DYNC2H1: variants seen among roughly 807,000 people sequenced by gnomAD.
DYNC2H1 encodes the protein cytoplasmic dynein 2 heavy chain 1.
Under a neutral mutation model 570.0 loss-of-function variants are expected in DYNC2H1, and 410 were observed. The ratio of observed to expected loss-of-function variants is 0.72; its 90% CI spans 0.66 to 0.78. DYNC2H1 has a LOEUF of 0.78. Among genes scored for constraint, DYNC2H1 ranks in the 30% least tolerant of loss-of-function variants. The pLI is 0.00. For synonymous variants in DYNC2H1, 1,688 were observed against 1,677.6 expected, an observed-to-expected ratio of 1.01 and a Z score of -0.15; for missense variants, 4,865 against 5,046.4, an observed-to-expected ratio of 0.96 and a Z score of 1.09.
intron 84 of DYNC2H1, among the ~76,000 whole-genome samples, chr11:103,419,206 T>A (rs1943393564): frequency 6.6e-6 from 1 of 152,178 alleles, no homozygotes; most frequent in Non-Finnish European, 1.5e-5. Context: ...CATTCCAGCC[T>A]GCTGGCTTGG....
chr11:103,211,791 G>T lies in DYNC2H1; in HGVS notation c.8542G>T (p.Asp2848Tyr). The change falls in exon 54 of 89, where the codon GAT becomes TAT. Residue 2848 changes from aspartate to tyrosine, a missense_variant and splice_region_variant. By Grantham distance (160) the Asp-to-Tyr change is radical. Around this residue, in one of 5 missense-constraint regions of DYNC2H1, gnomAD observed 2,401 missense variants for 2,454.6 expected, o/e 0.98. Transcript: ENST00000375735. ...RKEEKKKNSV[D>Y]PDFLKSFLLI... ...TTTTATTTTCTATTTTTTTCTAGTTGATCCTGATTTTCTAAAATCATTTTT... is the reference window on the plus strand; with the variant it reads ...TTTTATTTTCTATTTTTTTCTAGTTTATCCTGATTTTCTAAAATCATTTTT... 1 of 1,258,036 alleles carries T rather than the reference G, an allele frequency of 7.9e-7. No individual in the cohort carries two copies. Among genetic ancestry groups the T allele is most frequent in the Non-Finnish European group, 1.1e-6 (1 of 940,852 alleles). 77.9% of individuals were successfully genotyped at this position (1,258,036 alleles called of 1,614,324 possible).
At position 103,439,158 on chromosome 11, in the gene DYNC2H1, A is replaced by AGTAC; in HGVS notation, c.12456+3127_12456+3130dup. 6.6e-6 allele frequency among the ~76,000 whole-genome samples: 1 copy of AGTAC among 152,274 alleles called. No individual in the cohort carries two copies. The highest frequency in any genetic ancestry group is 2.1e-4 in the South Asian group (1 of 4,828). On this transcript the variant is annotated intron_variant, in intron 85 of 88. Transcript: ENST00000375735. This position sits in a 1 kb window ranked among gnomAD's most constrained non-coding sequence, Gnocchi z 4.1. ...ACAGTAAGAGAAGAGTGATAAAGGA[A>AGTAC]GTACAGTATTATGGAAGCAAATAGC...
chr11:103,202,660 A>G (rs1273505504), intron 50 of DYNC2H1, among the ~76,000 whole-genome samples: 2 of 152,138 alleles, frequency 1.3e-5, no homozygotes, highest in Non-Finnish European at 2.9e-5. Context: ...TTGAACCTAA[A>G]GAAAAGTAGG....
chr11:103,373,913 G>T (rs2566951), intron 83 of DYNC2H1, among the ~76,000 whole-genome samples: 102,336 of 151,906 alleles, frequency 0.67, 34,560 homozygotes, highest in Admixed American at 0.73. Context: ...TCTTTTTGAA[G>T]TTACTCCTTT....
In DYNC2H1 at chr11:103,200,054, A is replaced by T; in HGVS notation, c.8097A>T (p.Gln2699His). Residue 2699 changes from glutamine to histidine, a missense_variant, in exon 50 of 89, where the codon CAA (glutamine) becomes CAT (histidine). This residue lies in a region of DYNC2H1 where 2,401 missense variants were observed against 2,454.6 expected (regional missense o/e 0.98). Coordinates refer to ENST00000375735, the MANE Select transcript of DYNC2H1 (RefSeq NM_001377.3). ...QFKNDLKHVL[Q>H]LAGIEAQQVV... The stretch of plus-strand genomic sequence containing the variant: ...ATTTTCTGATTTTGCAGGTGCTGCA[A>T]CTTGCAGGAATTGAAGCACAACAGG... The T allele has an allele frequency of 6.3e-7, 1 of 1,581,764 alleles. No individual in the cohort carries two copies. Among genetic ancestry groups the T allele is most frequent in the Non-Finnish European group, 8.6e-7 (1 of 1,161,790 alleles).
In DYNC2H1 at chr11:103,472,671, A is replaced by G. The variant is rs537414570; in HGVS notation, c.12765+3966A>G. Among the ~76,000 whole-genome samples the G allele has an allele frequency of 3.6e-4, 55 of 152,324 alleles. No homozygotes were observed. The highest frequency in any genetic ancestry group is 2.0e-3 in the Admixed American group (30 of 15,302). ...TTGCACTGATTACATACCAAGCACT[A>G]TGCAAGGTGTTTCAAATACAAGATA... On this transcript the variant is annotated intron_variant, in intron 88 of 88. Coordinates refer to ENST00000375735, the MANE Select transcript of DYNC2H1 (RefSeq NM_001377.3). This position sits in a 1 kb window ranked among gnomAD's most constrained non-coding sequence, Gnocchi z 4.1.
chr11:103,125,622 G>C (rs1005648493), intron 12 of DYNC2H1, among the ~76,000 whole-genome samples: 9 of 152,154 alleles, frequency 5.9e-5, no homozygotes, highest in Admixed American at 6.5e-5. Flanking sequence ...TAGGAGCAGA[G>C]TCATAAAGAA....
At chr11:103,115,104 G>A in intron 3 of DYNC2H1, 73 bp from the exon 4 acceptor site, 1 of 1,076,634 alleles carries the variant, frequency 9.3e-7, no homozygotes, top group South Asian at 1.4e-5. Context: ...ATATTTTGCT[G>A]CTCTGCTGTT....
At chr11:103,373,689 T>C (rs1555113590) in intron 83 of DYNC2H1, among the ~76,000 whole-genome samples, 1 of 152,198 alleles carries the variant, frequency 6.6e-6, no homozygotes, top group Non-Finnish European at 1.5e-5. Flanking sequence ...GTTCTATAAA[T>C]GTCTGTTAGG....
At chr11:103,270,939 G>T (rs1035769381) in intron 70 of DYNC2H1, among the ~76,000 whole-genome samples, 18 of 152,088 alleles carry the variant, frequency 1.2e-4, no homozygotes, top group African/African-American at 4.1e-4. Flanking sequence ...TCTTAGATTT[G>T]AAATGGCATA....
At chr11:103,344,579 T>G (rs1036238010) in intron 82 of DYNC2H1, among the ~76,000 whole-genome samples, 1 of 152,160 alleles carries the variant, frequency 6.6e-6, no homozygotes, top group Non-Finnish European at 1.5e-5. Flanking sequence ...GCTTAGTCTA[T>G]TACTCCCTTC....
Position 103,174,136 on chromosome 11 carries a change from T to C in DYNC2H1, c.5640T>C (p.Leu1880=). ...TTCTGAGAGGAAGTGGAAATCTCCTTAGACAGCTAAACAAAAGTGGCACTA... is the reference window on the plus strand; with the variant it reads ...TTCTGAGAGGAAGTGGAAATCTCCTCAGACAGCTAAACAAAAGTGGCACTA... The part of the protein sequence containing the change: ...KTVLRGSGNL[L]RQLNKSGTTQ... The change falls in exon 36 of 89, where the codon CTT becomes CTC. Residue 1880 remains leucine (L), a synonymous_variant. Coordinates refer to ENST00000375735, the MANE Select transcript of DYNC2H1 (RefSeq NM_001377.3). The C allele has an allele frequency of 6.3e-7, 1 of 1,585,252 alleles. No individual in the cohort carries two copies.
intron 13 of DYNC2H1, among the ~76,000 whole-genome samples, chr11:103,131,551 G>T (rs2435923): frequency 1 from 152,282 of 152,282 alleles, 76,141 homozygotes; most frequent in Non-Finnish European, 1. Context: ...ATGCTTCTTT[G>T]GATATTTTTT....
At chr11:103,373,719 A>T (rs1019890166) in intron 83 of DYNC2H1, among the ~76,000 whole-genome samples, 1 of 152,186 alleles carries the variant, frequency 6.6e-6, no homozygotes, top group African/African-American at 2.4e-5. Context: ...TCTATGGTGC[A>T]ATCTTAGTCC....
chr11:103,291,566 A>G (rs1866602511), intron 75 of DYNC2H1, among the ~76,000 whole-genome samples: 1 of 152,196 alleles, frequency 6.6e-6, no homozygotes, highest in Admixed American at 6.5e-5. Context: ...AATGTCTGTT[A>G]TGTCTATTTG....
At chr11:103,316,433 A>C in intron 79 of DYNC2H1, 112 bp from the exon 80 acceptor site, 1 of 637,742 alleles carries the variant, frequency 1.6e-6, no homozygotes, top group Non-Finnish European at 2.5e-6. Context: ...AATTCTCAGG[A>C]GTTATATATT....
At chr11:103,250,573 G>A (rs1864792001) in intron 65 of DYNC2H1, among the ~76,000 whole-genome samples, 2 of 152,010 alleles carry the variant, frequency 1.3e-5, no homozygotes, top group Non-Finnish European at 1.5e-5. Flanking sequence ...AACTTTTAAT[G>A]TTGATTTTCT....
intron 47 of DYNC2H1, among the ~76,000 whole-genome samples, chr11:103,197,096 T>A (rs190541877): frequency 1.3e-3 from 198 of 152,090 alleles, no homozygotes; most frequent in African/African-American, 4.5e-3. Context: ...TAAGGGAAGT[T>A]TGGGGGATTT....
intron 86 of DYNC2H1, 25 bp downstream of exon 86, chr11:103,455,320 T>C (rs1001463507): frequency 6.3e-7 from 1 of 1,592,682 alleles, no homozygotes; most frequent in African/African-American, 1.3e-5. Flanking sequence ...ATACTTTACC[T>C]ATTTGTCCCT....
Sources: gnomAD v4.1 joint callset for allele counts (sites outside exome capture counted in the v4.1 genomes callset) on GRCh38, gnomAD v4.1.1 for gene constraint, gnomAD v4.1.1 regional missense constraint, Gnocchi (gnomAD v3.1) non-coding constraint, MANE v1.5 for transcripts, NCBI Gene and HGNC (gene_info 2026-07-23, HGNC 2026-07-21) for gene names.